The following ARID1B variants were observed in gnomAD, a reference collection of about 807,000 sequenced individuals.
ARID1B encodes AT-rich interactive domain-containing protein 1B.
Under a neutral mutation model 212.3 loss-of-function variants are expected in ARID1B, and 30 were observed. The observed-to-expected ratio is 0.14, with a 90% CI of 0.11 to 0.19. ARID1B has a LOEUF of 0.19. ARID1B is among the 10% of genes least tolerant of loss of function. ARID1B has a pLI of 1.00. For missense variants in ARID1B, 2,891 were observed against 3,204.0 expected (o/e 0.90, Z 2.36); for synonymous variants, 1,402 against 1,301.7 (o/e 1.08, Z -1.66).
chr6:157,083,437 C>T (rs1784758819), intron 4 of ARID1B, among the ~76,000 whole-genome samples: 1 of 152,204 alleles, frequency 6.6e-6, no homozygotes, highest in Non-Finnish European at 1.5e-5. Context: ...TGGGGGCCTC[C>T]ATGGGAGCCA....
chr6:157,028,864 A>C (rs147828237), intron 4 of ARID1B, among the ~76,000 whole-genome samples: 46 of 152,346 alleles, frequency 3.0e-4, no homozygotes, highest in Non-Finnish European at 4.4e-4. Flanking sequence ...TATTCTTACC[A>C]TCCACTGTGT....
In ARID1B at chr6:157,167,086, A is replaced by G. The variant is rs1583438527; in HGVS notation, c.3136A>G (p.Ser1046Gly). 2.5e-6 allele frequency: 4 copies of G among 1,612,648 alleles called. No individual in the cohort carries two copies. The highest frequency in any genetic ancestry group is 1.3e-5 in the African/African-American group (1 of 75,068). Residue 1046 changes from serine (S) to glycine (G), a missense_variant, in exon 9 of 20, where the codon AGC becomes GGC. Transcript: ENST00000636930. ...GAACCAGAGTGGACTTATGGCTTCC[A>G]GCTCTCCCTACAGCCAGCCCATGAA... ...GMNQSGLMASSSPYSQPMNNS... is the reference protein window; with the variant it reads ...GMNQSGLMASGSPYSQPMNNS...
chr6:157,095,914 C>A (rs946605937), intron 5 of ARID1B, among the ~76,000 whole-genome samples: 1 of 152,094 alleles, frequency 6.6e-6, no homozygotes, highest in Non-Finnish European at 1.5e-5. Flanking sequence ...GCTGCTTGTT[C>A]GTTTTTCATG....
intron 1 of ARID1B, among the ~76,000 whole-genome samples, chr6:156,788,523 C>G (rs1484333212): frequency 2.0e-5 from 3 of 152,192 alleles, no homozygotes; most frequent in African/African-American, 7.2e-5. Flanking sequence ...CAAAAAATGA[C>G]TGGCTTTTTA....
intron 2 of ARID1B, among the ~76,000 whole-genome samples, chr6:156,890,512 T>C (rs547550903): frequency 6.6e-6 from 1 of 152,352 alleles, no homozygotes; most frequent in East Asian, 1.9e-4. Context: ...CCCAGATGTG[T>C]TGGTTTCAGA....
At chr6:156,884,216 G>C (rs995369673) in intron 2 of ARID1B, among the ~76,000 whole-genome samples, 3 of 152,096 alleles carry the variant, frequency 2.0e-5, no homozygotes, top group African/African-American at 4.8e-5. Context: ...TTCTTCCTCC[G>C]AGTTGGCGTC....
rs2128317440 is a variant in ARID1B at position 157,181,107 on chromosome 6, G to A, written c.3643G>A (p.Ala1215Thr). ...ERGSPVSSLP[A>T]VGKKPLDLFR... The stretch of plus-strand genomic sequence containing the variant: ...AGGCTCTCCTGTCTCAAGTCTGCCT[G>A]CCGTGGGCAAGAAGCCCCTGGACCT... The change falls in exon 12 of 20, where the codon GCC becomes ACC. Residue 1215 changes from alanine to threonine, a missense_variant. By Grantham distance (58) the Ala-to-Thr change is moderately conservative. Coordinates refer to ENST00000636930, the MANE Select transcript of ARID1B (RefSeq NM_001374828.1). 1 of 1,614,198 alleles carries A rather than the reference G, an allele frequency of 6.2e-7. No individual in the cohort carries two copies. The highest frequency in any genetic ancestry group is 8.5e-7 in the Non-Finnish European group (1 of 1,180,042).
chr6:156,891,859 T>C (rs915204490), intron 2 of ARID1B, among the ~76,000 whole-genome samples: 23 of 148,574 alleles, frequency 1.5e-4, no homozygotes, highest in Non-Finnish European at 2.7e-4. Flanking sequence ...TTCATACCTT[T>C]TCTTTTTCTT....
chr6:157,008,462 T>C (rs1040486880), intron 4 of ARID1B, among the ~76,000 whole-genome samples: 2 of 152,226 alleles, frequency 1.3e-5, no homozygotes, highest in African/African-American at 4.8e-5. Flanking sequence ...CCAAAGTTAC[T>C]GTTATCTTCT....
At chr6:157,045,669 C>T (rs1186521249) in intron 4 of ARID1B, among the ~76,000 whole-genome samples, 1 of 151,886 alleles carries the variant, frequency 6.6e-6, no homozygotes, top group Non-Finnish European at 1.5e-5. Flanking sequence ...ACAAAACTAG[C>T]AAACAGTTTT....
intron 4 of ARID1B, among the ~76,000 whole-genome samples, chr6:156,952,207 G>C (rs1368274117): frequency 6.6e-6 from 1 of 152,132 alleles, no homozygotes; most frequent in African/African-American, 2.4e-5. Flanking sequence ...GTTTTTCTGG[G>C]AAGAAGATTG....
chr6:156,989,836 A>G (rs1187604882), intron 4 of ARID1B, among the ~76,000 whole-genome samples: 1 of 152,018 alleles, frequency 6.6e-6, no homozygotes, highest in Non-Finnish European at 1.5e-5. Flanking sequence ...GATGTATGTT[A>G]CCTCCCGGGT....
chr6:156,999,781 G>C (rs1050747345), intron 4 of ARID1B, among the ~76,000 whole-genome samples: 1 of 152,170 alleles, frequency 6.6e-6, no homozygotes, highest in Non-Finnish European at 1.5e-5. Flanking sequence ...CAATTCCACT[G>C]TTCGGCTTCC....
At chr6:156,832,941 T>C (rs908952332) in intron 2 of ARID1B, among the ~76,000 whole-genome samples, 1 of 152,214 alleles carries the variant, frequency 6.6e-6, no homozygotes, top group African/African-American at 2.4e-5. Flanking sequence ...TTTGTGGTCT[T>C]TCACTTGCCA....
chr6:157,174,924 C>T lies in ARID1B; in HGVS notation c.3423C>T (p.Ser1141=), dbSNP rs1401029781. 1.9e-6 allele frequency: 3 copies of T among 1,546,272 alleles called. No homozygotes were observed. Among genetic ancestry groups the T allele is most frequent in the Non-Finnish European group, 2.6e-6 (3 of 1,145,396 alleles). Residue 1141 remains serine, a synonymous_variant, in exon 11 of 20, where the codon AGC becomes AGT. Transcript: ENST00000636930. ...NLPVPSPMSP[S]SASISSFHGD... ...CAGTCCCTTCCCCAATGTCCCCCAG[C>T]TCTGCTAGCATCTCCTCATTTCATG...
rs1393456999 is a variant in ARID1B, at chr6:156,794,339, T to C, written c.1791+14868T>C. On this transcript the variant is annotated intron_variant, in intron 1 of 19. Coordinates refer to ENST00000636930, the MANE Select transcript of ARID1B (RefSeq NM_001374828.1). The stretch of plus-strand genomic sequence containing the variant: ...ATCATAGCTCACTGCAACCTTGAAT[T>C]CCTGGGCCCAAGCAATCCTCCCACC... Among the ~76,000 whole-genome samples the C allele has an allele frequency of 3.3e-5, 5 of 152,056 alleles. No homozygotes were observed. The East Asian group carries it at 7.7e-4, about 23-fold the overall frequency.
At chr6:157,087,017 A>G (rs1411213813) in intron 5 of ARID1B, among the ~76,000 whole-genome samples, 1 of 152,154 alleles carries the variant, frequency 6.6e-6, no homozygotes, top group Non-Finnish European at 1.5e-5. Context: ...TGTTTTTTAA[A>G]CTTGTGTCAG....
At chr6:156,963,527 A>G (rs1420992389) in intron 4 of ARID1B, among the ~76,000 whole-genome samples, 1 of 152,236 alleles carries the variant, frequency 6.6e-6, no homozygotes, top group Non-Finnish European at 1.5e-5. Flanking sequence ...TGTTTAAGAA[A>G]ATATTAAAGA....
At chr6:156,867,916 AC>A (rs745957931) in intron 2 of ARID1B, among the ~76,000 whole-genome samples, 8 of 152,210 alleles carry the variant, frequency 5.3e-5, no homozygotes, top group Non-Finnish European at 8.8e-5. Context: ...AATGTCCGAA[AC>A]GAGTTGCTGT....
Sources: gnomAD v4.1 joint callset for allele counts (sites outside exome capture counted in the v4.1 genomes callset) on GRCh38, gnomAD v4.1.1 for gene constraint, MANE v1.5 for transcripts, NCBI Gene and HGNC (gene_info 2026-07-23, HGNC 2026-07-21) for gene names.